Variants in BLTP3A observed in about 807,000 individuals in gnomAD.
BLTP3A encodes bridge-like lipid transfer protein family member 3A, also known as ICBP90 binding protein 1.
At chr6:34,814,613 A>G in the BLTP3A span, among the ~76,000 whole-genome samples, 2 of 152,128 alleles carry the variant, frequency 1.3e-5, no homozygotes, top group African/African-American at 2.4e-5. Context: ...ACTTGCTTGT[A>G]TTGTTAATCT....
At chr6:34,820,367 C>T in the BLTP3A span, among the ~76,000 whole-genome samples, 1 of 152,114 alleles carries the variant, frequency 6.6e-6, no homozygotes, top group Non-Finnish European at 1.5e-5. Flanking sequence ...GCTCCAGCTC[C>T]TTGGGGTCTC....
the BLTP3A span, among the ~76,000 whole-genome samples, chr6:34,866,380 G>A: frequency 0.023 from 3,469 of 151,260 alleles, 60 homozygotes; most frequent in Non-Finnish European, 0.035. Context: ...TCCCCTGGGC[G>A]ACAGAGCGAG....
chr6:34,840,381 C>A, the BLTP3A span, among the ~76,000 whole-genome samples: 2 of 140,788 alleles, frequency 1.4e-5, no homozygotes, highest in Admixed American at 7.0e-5. Context: ...GGTGAAACCC[C>A]GTCTCTACTT....
chr6:34,821,117 C>A, the BLTP3A span, among the ~76,000 whole-genome samples: 4 of 152,022 alleles, frequency 2.6e-5, no homozygotes, highest in Non-Finnish European at 5.9e-5. Context: ...CCACCACACC[C>A]GGCTAATTTA....
the BLTP3A span, among the ~76,000 whole-genome samples, chr6:34,823,624 C>G: frequency 6.7e-6 from 1 of 150,254 alleles, no homozygotes; most frequent in South Asian, 2.1e-4. Flanking sequence ...TTCACTGTAG[C>G]CTCGACCTCC....
chr6:34,858,920 A>T, the BLTP3A span: 3 of 1,614,162 alleles, frequency 1.9e-6, no homozygotes. Flanking sequence ...CTGACTAAGG[A>T]TACAGAGTCA....
At chr6:34,850,635 C>T in the BLTP3A span, among the ~76,000 whole-genome samples, 19 of 152,140 alleles carry the variant, frequency 1.2e-4, no homozygotes, top group Non-Finnish European at 2.4e-4. Context: ...TGGGTCAATT[C>T]TGCTTTTGAG....
At chr6:34,821,827 G>T in the BLTP3A span, 1 of 1,614,030 alleles carries the variant, frequency 6.2e-7, no homozygotes, top group Non-Finnish European at 8.5e-7. Context: ...TGAGAATGAG[G>T]GTCAGAATGC....
the BLTP3A span, among the ~76,000 whole-genome samples, chr6:34,822,750 G>A: frequency 1.3e-5 from 2 of 151,810 alleles, no homozygotes; most frequent in Non-Finnish European, 2.9e-5. Context: ...CCAGCTACTC[G>A]GGAGGCTGGG....
the BLTP3A span, chr6:34,871,627 C>G: frequency 6.2e-7 from 1 of 1,613,970 alleles, no homozygotes; most frequent in Non-Finnish European, 8.5e-7. Context: ...GGCCCCATCC[C>G]CATCACTCTG....
chr6:34,853,915 T>C, the BLTP3A span, among the ~76,000 whole-genome samples: 1 of 152,152 alleles, frequency 6.6e-6, no homozygotes, highest in African/African-American at 2.4e-5. Context: ...TACAAATAAT[T>C]TTAAGAAATT....
At chr6:34,823,028 G>T in the BLTP3A span, among the ~76,000 whole-genome samples, 1 of 152,274 alleles carries the variant, frequency 6.6e-6, no homozygotes, top group African/African-American at 2.4e-5. Flanking sequence ...TCCCGTGCTT[G>T]TCATGAGGTT....
At chr6:34,798,583 TTTCTTTCTTTC>T in the BLTP3A span, among the ~76,000 whole-genome samples, 6 of 136,674 alleles carry the variant, frequency 4.4e-5, no homozygotes, top group Non-Finnish European at 7.9e-5. Flanking sequence ...TATTTTTAAT[TTTCTTTCTTTC>T]TTTTTTTTTT....
the BLTP3A span, among the ~76,000 whole-genome samples, chr6:34,825,582 C>G: frequency 1.3e-5 from 2 of 152,214 alleles, no homozygotes; most frequent in Non-Finnish European, 2.9e-5. Context: ...GTGGGGATCA[C>G]AGGCGCGAGC....
the BLTP3A span, chr6:34,823,120 ATATT>A: frequency 1.5e-6 from 1 of 683,692 alleles, no homozygotes; most frequent in Non-Finnish European, 2.6e-6. Flanking sequence ...CACTCAGTAA[ATATT>A]TATTGTCTGC....
At chr6:34,845,692 G>A in the BLTP3A span, among the ~76,000 whole-genome samples, 1 of 151,940 alleles carries the variant, frequency 6.6e-6, no homozygotes, top group South Asian at 2.1e-4. Context: ...CACCTCCCAG[G>A]TTCACGCCAT....
the BLTP3A span, chr6:34,821,888 A>G: frequency 6.2e-7 from 1 of 1,614,224 alleles, no homozygotes; most frequent in Non-Finnish European, 8.5e-7. Context: ...CAGCTACCAC[A>G]GCCCTGAGAC....
chr6:34,810,396 A>G, the BLTP3A span, among the ~76,000 whole-genome samples: 3 of 152,264 alleles, frequency 2.0e-5, no homozygotes, highest in Admixed American at 2.0e-4. Context: ...GCAGATCCTC[A>G]TAACACGTGA....
the BLTP3A span, among the ~76,000 whole-genome samples, chr6:34,824,989 C>T: frequency 3.7e-4 from 56 of 152,168 alleles, no homozygotes; most frequent in South Asian, 7.5e-3. Flanking sequence ...TATTTTTTTA[C>T]GGAACAATAT....
Sources: gnomAD v4.1 joint callset for allele counts (sites outside exome capture counted in the v4.1 genomes callset) on GRCh38, gnomAD v4.1.1 for gene constraint, MANE v1.5 for transcripts, NCBI Gene and HGNC (gene_info 2026-07-23, HGNC 2026-07-21) for gene names.